The following NME7 variants were observed in gnomAD, a reference collection of about 807,000 sequenced individuals.
The protein encoded by NME7 is nucleoside diphosphate kinase 7.
In NME7, 41 loss-of-function variants were observed where a neutral mutation model predicts 49.1. The observed-to-expected ratio is 0.83, with a 90% CI of 0.65 to 1.08. NME7 has a LOEUF of 1.08. NME7 is among the 50% of genes least tolerant of loss of function. The pLI is 0.00. For missense variants in NME7, 423 were observed against 463.4 expected (o/e 0.91, Z 0.80); for synonymous variants, 139 against 150.6 (o/e 0.92, Z 0.56).
intron 10 of NME7, among the ~76,000 whole-genome samples, chr1:169,203,123 T>C (rs1433097043): frequency 6.6e-6 from 1 of 152,108 alleles, no homozygotes. Flanking sequence ...CCAGTCAGGC[T>C]TGCAATGGAA....
At chr1:169,246,074 A>C (rs758841513) in intron 7 of NME7, among the ~76,000 whole-genome samples, 1 of 152,156 alleles carries the variant, frequency 6.6e-6, no homozygotes, top group Non-Finnish European at 1.5e-5. Flanking sequence ...ATATTAAATC[A>C]ATTGCAGACA....
At chr1:169,175,512 T>C (rs1659726297) in intron 10 of NME7, among the ~76,000 whole-genome samples, 1 of 152,164 alleles carries the variant, frequency 6.6e-6, no homozygotes. Flanking sequence ...GGCAGCACAG[T>C]AGGTTTATTT....
At chr1:169,355,086 TATAC>T (rs1221193747) in intron 1 of NME7, among the ~76,000 whole-genome samples, 6 of 61,528 alleles carry the variant, frequency 9.8e-5, no homozygotes, top group African/African-American at 2.7e-4. Flanking sequence ...TAATATATAA[TATAC>T]TATATATTAT....
In NME7 at chr1:169,309,976, A is replaced by C. The variant is rs1651321266; in HGVS notation, c.383T>G (p.Leu128Arg). The C allele has an allele frequency of 6.5e-7, 1 of 1,549,042 alleles. No individual in the cohort carries two copies. Reference protein sequence around the residue: ...FTITKLKMMMLSRKEALDFHV... With the variant: ...FTITKLKMMMRSRKEALDFHV... ...AAAATGATAAAAAAATTACCTTGAA[A>C]GCATCATCATTTTGAGTTTGGTTAT... Residue 128 changes from leucine to arginine, a missense_variant, in exon 4 of 12, where the codon CTT (leucine) becomes CGT (arginine). By Grantham distance (102) the Leu-to-Arg change is moderately radical. Coordinates refer to ENST00000367811, the MANE Select transcript of NME7 (RefSeq NM_013330.5).
At chr1:169,246,919 G>A (rs1648344459) in intron 7 of NME7, 2 of 424,736 alleles carry the variant, frequency 4.7e-6, no homozygotes, top group Admixed American at 5.5e-5. Context: ...ACAATATGGT[G>A]ACTTTGTGTA....
chr1:169,231,319 G>A (rs1468582482), intron 9 of NME7, among the ~76,000 whole-genome samples: 2 of 152,132 alleles, frequency 1.3e-5, no homozygotes, highest in Non-Finnish European at 2.9e-5. Flanking sequence ...ACAGGTCTAT[G>A]ACCCCTGAAA....
chr1:169,324,353 C>T (rs1169972937), intron 2 of NME7, 40 bp downstream of exon 2: 1 of 1,292,400 alleles, frequency 7.7e-7, no homozygotes, highest in Non-Finnish European at 1.1e-6. Flanking sequence ...CCCATGTTCA[C>T]CCCCTTTGCC....
At chr1:169,259,976 G>A (rs1174648758) in intron 7 of NME7, among the ~76,000 whole-genome samples, 2 of 133,302 alleles carry the variant, frequency 1.5e-5, no homozygotes, top group African/African-American at 5.1e-5. Context: ...TAACAAGGCT[G>A]TTCTTCAATA....
intron 1 of NME7, among the ~76,000 whole-genome samples, chr1:169,355,255 C>A (rs535769277): frequency 1.6e-3 from 23 of 14,528 alleles, no homozygotes; most frequent in African/African-American, 1.9e-3. Context: ...TATATTATAT[C>A]TATATATAAT....
chr1:169,365,760 C>T (rs571949212), intron 1 of NME7, among the ~76,000 whole-genome samples: 15 of 152,050 alleles, frequency 9.9e-5, no homozygotes, highest in African/African-American at 3.4e-4. Flanking sequence ...GGAGAATTTC[C>T]AGACCAGACT....
intron 1 of NME7, among the ~76,000 whole-genome samples, chr1:169,363,980 C>T (rs533777877): frequency 6.6e-6 from 1 of 152,304 alleles, no homozygotes; most frequent in South Asian, 2.1e-4. Flanking sequence ...CCTCCCTATG[C>T]CATTGCACAG....
At chr1:169,326,871 C>A (rs974602467) in intron 1 of NME7, among the ~76,000 whole-genome samples, 9 of 152,110 alleles carry the variant, frequency 5.9e-5, no homozygotes, top group Non-Finnish European at 1.3e-4. Context: ...ACCAAAGCCA[C>A]CCTTAAAATT....
At chr1:169,198,235 C>A (rs925735977) in intron 10 of NME7, among the ~76,000 whole-genome samples, 1 of 151,860 alleles carries the variant, frequency 6.6e-6, no homozygotes, top group Non-Finnish European at 1.5e-5. Context: ...GAAGTGAGAA[C>A]CCTCAAATAC....
At chr1:169,167,796 G>C (rs1487254366) in intron 11 of NME7, among the ~76,000 whole-genome samples, 5 of 152,292 alleles carry the variant, frequency 3.3e-5, no homozygotes, top group Admixed American at 3.3e-4. Flanking sequence ...CTATGGCAAT[G>C]AAAAGAAATC....
At chr1:169,344,609 T>G (rs1461840121) in intron 1 of NME7, among the ~76,000 whole-genome samples, 1 of 152,364 alleles carries the variant, frequency 6.6e-6, no homozygotes, top group South Asian at 2.1e-4. Context: ...AAAGTGTTTT[T>G]CTGTGTCTAA....
intron 7 of NME7, among the ~76,000 whole-genome samples, chr1:169,269,588 G>A (rs960933919): frequency 3.8e-5 from 5 of 132,980 alleles, no homozygotes; most frequent in African/African-American, 1.3e-4. Flanking sequence ...CATCTACCAG[G>A]GCTCTTGGCT....
intron 11 of NME7, among the ~76,000 whole-genome samples, chr1:169,140,373 A>G (rs1658555722): frequency 6.6e-6 from 1 of 152,216 alleles, no homozygotes; most frequent in South Asian, 2.1e-4. Context: ...TAGGCAAATC[A>G]TTTAGACTCT....
At chr1:169,290,820 G>T (rs998759857) in intron 6 of NME7, among the ~76,000 whole-genome samples, 9 of 151,878 alleles carry the variant, frequency 5.9e-5, no homozygotes, top group Non-Finnish European at 8.8e-5. Flanking sequence ...ACATTTACAA[G>T]AAAAAAACAA....
chr1:169,165,150 C>A (rs1027215102), intron 11 of NME7, among the ~76,000 whole-genome samples: 4 of 152,012 alleles, frequency 2.6e-5, no homozygotes, highest in African/African-American at 9.7e-5. Flanking sequence ...TCACAATTAG[C>A]AATATTCAAA....
Sources: allele counts gnomAD v4.1 joint callset (sites outside exome capture counted in the v4.1 genomes callset), GRCh38; gene constraint gnomAD v4.1.1; transcripts MANE v1.5; gene names NCBI Gene and HGNC (gene_info 2026-07-23, HGNC 2026-07-21).